Variants in MAP3K2 observed in about 807,000 individuals in gnomAD.
The protein encoded by MAP3K2 is MAP/ERK kinase kinase 2.
A neutral mutation model predicts 80.3 loss-of-function variants in MAP3K2; 24 were observed. The observed-to-expected ratio is 0.30, with a 90% CI of 0.22 to 0.42. MAP3K2 has a LOEUF of 0.42. Among genes scored for constraint, MAP3K2 ranks in the 10% least tolerant of loss-of-function variants. MAP3K2 has a pLI of 1.00. For synonymous variants in MAP3K2, 244 were observed against 253.7 expected (o/e 0.96, Z 0.36); for missense variants, 608 against 750.1 (o/e 0.81, Z 2.21).
chr2:127,353,327 G>A (rs74898656), intron 1 of MAP3K2, among the ~76,000 whole-genome samples: 1 of 152,012 alleles, frequency 6.6e-6, no homozygotes, highest in Non-Finnish European at 1.5e-5. Flanking sequence ...TCTGGGATGT[G>A]AGGAGCGCCT....
chr2:127,335,935 C>A lies in MAP3K2; in HGVS notation c.199G>T (p.Asp67Tyr), dbSNP rs753477558. The A allele has an allele frequency of 3.8e-6, 6 of 1,572,604 alleles. No individual in the cohort carries two copies. Among genetic ancestry groups the A allele is most frequent in the Admixed American group, 1.8e-5 (1 of 54,328 alleles). ...LQFPRPVKLE[D>Y]LRSKAKIAFG... ...GCAATTTTAGCTTTAGATCTCAGAT[C>A]TTCCAGTTTAACTGGTCTGGGGAAC... is the stretch of plus-strand genomic sequence containing the variant. Residue 67 changes from aspartate to tyrosine, a missense_variant, in exon 5 of 17, where the codon GAT becomes TAT. Physicochemically the swap from Asp to Tyr is radical, Grantham distance 160. Coordinates refer to ENST00000682094, the MANE Select transcript of MAP3K2 (RefSeq NM_001371910.2).
rs182509985 is a variant in MAP3K2, at chr2:127,387,239, C to A, written c.-66+213G>T. On this transcript the variant is annotated intron_variant, in intron 1 of 16. Transcript: ENST00000682094. Reference sequence around the variant, plus strand: ...GCTAACACAGCCCAGCAGCCTACTTCGCGCTGACCTGGGCTTTAGGACTGG... The same window carrying A: ...GCTAACACAGCCCAGCAGCCTACTTAGCGCTGACCTGGGCTTTAGGACTGG... Among the ~76,000 whole-genome samples, 795 of 152,226 alleles carry A rather than the reference C, an allele frequency of 5.2e-3. 9 individuals carry two copies. The highest frequency in any genetic ancestry group is 0.018 in the African/African-American group (762 of 41,548).
chr2:127,322,086 A>G lies in MAP3K2; in HGVS notation c.1005T>C (p.Asn335=). 1 of 1,613,720 alleles carries G rather than the reference A, an allele frequency of 6.2e-7. No individual in the cohort carries two copies. The highest frequency in any genetic ancestry group is 8.5e-7 in the Non-Finnish European group (1 of 1,179,818). Residue 335 remains asparagine, a synonymous_variant, in exon 12 of 17, where the codon AAT becomes AAC. Coordinates refer to ENST00000682094, the MANE Select transcript of MAP3K2 (RefSeq NM_001371910.2). The surrounding 1 kb of genome is among the most constrained non-coding windows in gnomAD (Gnocchi z 4.2). Reference sequence around the variant, plus strand: ...TGATGTCCATTACGGTCAAAGTAGGATTGTCTATGTCACTTCCCCTTCTTC... The same window carrying G: ...TGATGTCCATTACGGTCAAAGTAGGGTTGTCTATGTCACTTCCCCTTCTTC... ...RIRRRGSDID[N]PTLTVMDISP... is the part of the protein sequence containing the mutation.
chr2:127,374,939 T>C (rs918761445), intron 1 of MAP3K2, among the ~76,000 whole-genome samples: 3 of 152,158 alleles, frequency 2.0e-5, no homozygotes, highest in African/African-American at 4.8e-5. Flanking sequence ...AGGGGGAATA[T>C]GAATAAGGAC....
At chr2:127,315,620 A>G (rs544170251) in intron 14 of MAP3K2, among the ~76,000 whole-genome samples, 1 of 152,290 alleles carries the variant, frequency 6.6e-6, no homozygotes, top group South Asian at 2.1e-4. Flanking sequence ...TGTTCAGTCT[A>G]CTGTGTCTCT....
At chr2:127,388,246 A>G (rs1237717494), upstream of MAP3K2, 3 of 981,124 alleles carry the variant, frequency 3.1e-6, no homozygotes, top group Non-Finnish European at 2.4e-6. Context: ...GCGCATACGC[A>G]CCTGGGTTGT....
chr2:127,365,623 T>C (rs770451880), intron 1 of MAP3K2, among the ~76,000 whole-genome samples: 4 of 152,098 alleles, frequency 2.6e-5, no homozygotes, highest in Admixed American at 1.3e-4. Flanking sequence ...CACCAAAAGC[T>C]TGACTGAGGA....
At chr2:127,384,213 G>GATATATATATAT (rs35560058) in intron 1 of MAP3K2, among the ~76,000 whole-genome samples, 4,066 of 144,200 alleles carry the variant, frequency 0.028, 74 homozygotes, top group African/African-American at 0.043. Flanking sequence ...ATTTTTAATT[G>GATATATATATAT]ATATATATAT....
At chr2:127,318,370 G>A (rs1685949543) in intron 12 of MAP3K2, 53 bp from the exon 13 acceptor site, 4 of 1,416,712 alleles carry the variant, frequency 2.8e-6, no homozygotes, top group Non-Finnish European at 2.8e-6. Flanking sequence ...ACAAATAAAT[G>A]GTTAATAACT....
rs201583960 is a variant in MAP3K2, at chr2:127,322,205, G to C, written c.886C>G (p.Arg296Gly). 1 of 1,613,870 alleles carries C rather than the reference G, an allele frequency of 6.2e-7. No individual in the cohort carries two copies. Among genetic ancestry groups the C allele is most frequent in the Non-Finnish European group, 8.5e-7 (1 of 1,179,790 alleles). The change falls in exon 12 of 17, where the codon CGG becomes GGG. Residue 296 changes from arginine (R) to glycine (G), a missense_variant. Physicochemically the swap from Arg to Gly is moderately radical, Grantham distance 125 (BLOSUM62 -2). Coordinates refer to ENST00000682094, the MANE Select transcript of MAP3K2 (RefSeq NM_001371910.2). The surrounding 1 kb of genome is among the most constrained non-coding windows in gnomAD (Gnocchi z 4.2). The part of the protein sequence containing the change: ...RARRTQGTSL[R>G]SPVSFSPTDH... ...GTAGGACTGAAACTCACAGGAGACC[G>C]TAAGCTGGTCCCCTGGGTCCTTCTA...
intron 4 of MAP3K2, among the ~76,000 whole-genome samples, chr2:127,336,879 G>A (rs1380897589): frequency 2.0e-5 from 3 of 152,166 alleles, no homozygotes; most frequent in Admixed American, 6.5e-5. Context: ...CGTGGGTCAC[G>A]CCTGTAATCC....
chr2:127,332,990 T>C (rs1686288291), intron 5 of MAP3K2, among the ~76,000 whole-genome samples: 1 of 151,552 alleles, frequency 6.6e-6, no homozygotes, highest in African/African-American at 2.4e-5. Context: ...ATTAACAAGG[T>C]ATGGTAGTGC....
chr2:127,382,833 G>C (rs1687269321), intron 1 of MAP3K2, among the ~76,000 whole-genome samples: 1 of 152,220 alleles, frequency 6.6e-6, no homozygotes, highest in South Asian at 2.1e-4. Context: ...GCAGATGTCG[G>C]TATATTGATA....
intron 1 of MAP3K2, among the ~76,000 whole-genome samples, chr2:127,345,870 T>C (rs1162638694): frequency 2.6e-5 from 4 of 151,884 alleles, no homozygotes; most frequent in Middle Eastern, 3.4e-3. Flanking sequence ...AAAGATAAAA[T>C]TTATAACTGT....
chr2:127,331,983 G>C (rs933906426), intron 5 of MAP3K2, among the ~76,000 whole-genome samples: 16 of 152,154 alleles, frequency 1.1e-4, no homozygotes, highest in Non-Finnish European at 1.9e-4. Flanking sequence ...CAGACAATCT[G>C]CTTGCATTTA....
At chr2:127,356,920 T>C (rs1686807629) in intron 1 of MAP3K2, among the ~76,000 whole-genome samples, 1 of 152,026 alleles carries the variant, frequency 6.6e-6, no homozygotes, top group African/African-American at 2.4e-5. Context: ...AAAGAAATAA[T>C]CAACAGAGTA....
intron 12 of MAP3K2, among the ~76,000 whole-genome samples, chr2:127,319,650 CAAAAAAAAAAAA>C (rs57472022): frequency 0.022 from 1,555 of 71,912 alleles, 32 homozygotes; most frequent in African/African-American, 0.081. Context: ...ACTAAAAATA[CAAAAAAAAAAAA>C]AAAAAAAAAA....
chr2:127,318,123 A>C (rs1375379554), intron 13 of MAP3K2, 46 bp downstream of exon 13: 19 of 1,459,448 alleles, frequency 1.3e-5, no homozygotes, highest in Non-Finnish European at 1.6e-5. Context: ...AATAATGAAT[A>C]AAGTTTCTTA....
chr2:127,324,028 T>TAA, intron 10 of MAP3K2, 34 bp from the exon 11 acceptor site: 12 of 1,103,002 alleles, frequency 1.1e-5, no homozygotes, highest in South Asian at 3.3e-5. Flanking sequence ...ATCTTTTATT[T>TAA]AAAAAAAAAA....
Sources: gnomAD v4.1 joint callset for allele counts (sites outside exome capture counted in the v4.1 genomes callset) on GRCh38, gnomAD v4.1.1 for gene constraint, Gnocchi (gnomAD v3.1) non-coding constraint, MANE v1.5 for transcripts, NCBI Gene and HGNC (gene_info 2026-07-23, HGNC 2026-07-21) for gene names.